Variants in NALCN observed in about 807,000 individuals in gnomAD.
NALCN encodes sodium leak channel NALCN.
A neutral mutation model predicts 225.3 loss-of-function variants in NALCN; 111 were observed. The ratio of observed to expected loss-of-function variants is 0.49; its 90% CI spans 0.42 to 0.58. NALCN has a LOEUF of 0.58. NALCN is among the 20% of genes least tolerant of loss of function. NALCN has a pLI of 0.00. For synonymous variants in NALCN, 764 were observed against 769.0 expected (o/e 0.99, Z 0.11); for missense variants, 1,378 against 2,202.4 (o/e 0.63, Z 7.49).
chr13:101,380,606 A>G (rs1267437943), intron 3 of NALCN, among the ~76,000 whole-genome samples: 3 of 152,240 alleles, frequency 2.0e-5, no homozygotes, highest in Non-Finnish European at 4.4e-5. Flanking sequence ...ATAGAAATAA[A>G]ATGTCAAGAT....
At chr13:101,135,662 G>A (rs558333327) in intron 17 of NALCN, among the ~76,000 whole-genome samples, 10 of 152,254 alleles carry the variant, frequency 6.6e-5, no homozygotes, top group Admixed American at 5.9e-4. Context: ...CCAAAGTGCT[G>A]GGATTATGGG....
Position 101,160,171 on chromosome 13 carries a change from G to A in NALCN, c.1840-15275C>T, listed in dbSNP as rs151129649. The stretch of plus-strand genomic sequence containing the variant: ...GGGTTTCACCATGTTAGCCAGGATG[G>A]TCTCGATCTCCTGACCTTGTGATCT... On this transcript the variant is annotated intron_variant, in intron 15 of 43. Transcript: ENST00000251127. Among the ~76,000 whole-genome samples, 1,003 of 152,216 alleles carry A rather than the reference G, an allele frequency of 6.6e-3. 4 individuals carry two copies. Among genetic ancestry groups the A allele is most frequent in the African/African-American group, 0.013 (548 of 41,544 alleles).
chr13:101,188,753 C>A (rs372815395), intron 14 of NALCN, among the ~76,000 whole-genome samples: 1 of 144,876 alleles, frequency 6.9e-6, no homozygotes, highest in East Asian at 2.0e-4. Context: ...AGCATGATCT[C>A]GGCTCACTGC....
intron 1 of NALCN, among the ~76,000 whole-genome samples, chr13:101,405,703 A>T (rs3916908): frequency 0.4 from 61,461 of 152,056 alleles, 12,765 homozygotes; most frequent in East Asian, 0.58. Flanking sequence ...GGGCTGCTCA[A>T]TGACTGCCTT....
intron 18 of NALCN, among the ~76,000 whole-genome samples, chr13:101,116,201 C>A (rs935146882): frequency 6.6e-6 from 1 of 151,592 alleles, no homozygotes; most frequent in African/African-American, 2.4e-5. Context: ...AAAATATTAC[C>A]CCTGGTTTCT....
At chr13:101,294,859 T>C (rs1025222623) in intron 7 of NALCN, among the ~76,000 whole-genome samples, 4 of 152,148 alleles carry the variant, frequency 2.6e-5, no homozygotes, top group African/African-American at 9.7e-5. Context: ...AAAACAGTCT[T>C]TCCATAACCT....
chr13:101,332,416 A>AAG (rs1555337268), intron 7 of NALCN, among the ~76,000 whole-genome samples: 2 of 149,226 alleles, frequency 1.3e-5, no homozygotes, highest in African/African-American at 5.0e-5. Flanking sequence ...AAAAAAAAAA[A>AAG]AAAAGGAAAG....
intron 11 of NALCN, among the ~76,000 whole-genome samples, chr13:101,247,822 G>A (rs1009125286): frequency 6.6e-5 from 10 of 151,922 alleles, no homozygotes; most frequent in African/African-American, 2.4e-5. Context: ...CCTCCTGATA[G>A]GCCCCAGTGT....
intron 17 of NALCN, among the ~76,000 whole-genome samples, chr13:101,136,022 C>T (rs746715114): frequency 1.3e-5 from 2 of 152,198 alleles, no homozygotes; most frequent in Admixed American, 6.5e-5. Flanking sequence ...ACAGCTGATA[C>T]ATAGTTCCAA....
intron 13 of NALCN, among the ~76,000 whole-genome samples, chr13:101,206,558 GC>G (rs1418495498): frequency 6.7e-6 from 1 of 150,020 alleles, no homozygotes; most frequent in Non-Finnish European, 1.5e-5. Flanking sequence ...TCATGTACTT[GC>G]CATTTAAAAA....
chr13:101,147,167 C>T (rs949514930), intron 15 of NALCN, among the ~76,000 whole-genome samples: 2 of 152,210 alleles, frequency 1.3e-5, no homozygotes, highest in African/African-American at 2.4e-5. Context: ...GGCCTGCCCA[C>T]TGCCTGCATC....
At chr13:101,360,279 A>G (rs939869091) in intron 6 of NALCN, among the ~76,000 whole-genome samples, 28 of 143,550 alleles carry the variant, frequency 2.0e-4, no homozygotes, top group African/African-American at 6.9e-4. Flanking sequence ...GACCCAGGCT[A>G]GAATGCAGTG....
chr13:101,157,559 A>G (rs530070078), intron 15 of NALCN, among the ~76,000 whole-genome samples: 3 of 152,286 alleles, frequency 2.0e-5, no homozygotes, highest in African/African-American at 7.2e-5. Context: ...ATTATAGGAA[A>G]GTTGGATTAT....
chr13:101,259,977 TCTA>T (rs1161831500), intron 10 of NALCN, among the ~76,000 whole-genome samples: 2 of 124,940 alleles, frequency 1.6e-5, no homozygotes, highest in East Asian at 5.0e-4. Context: ...ATCTATTCTT[TCTA>T]TTTTTTTTGT....
chr13:101,287,581 C>T (rs1202805801), intron 9 of NALCN, among the ~76,000 whole-genome samples: 8 of 152,296 alleles, frequency 5.3e-5, no homozygotes, highest in South Asian at 2.1e-4. Flanking sequence ...TTTGTAAAGC[C>T]ATTAGACTAG....
chr13:101,277,013 T>C lies in NALCN; in HGVS notation c.1134+6920A>G, dbSNP rs572287779. ...ATATACACACATATGCACTTATATA[T>C]GTATATATAAAAACGTGTGTATATA... On this transcript the variant is annotated intron_variant, in intron 10 of 43. Coordinates refer to ENST00000251127, the MANE Select transcript of NALCN (RefSeq NM_052867.4). Among the ~76,000 whole-genome samples, 146 of 152,148 alleles carry C rather than the reference T, an allele frequency of 9.6e-4. 1 individual carries two copies. The highest frequency in any genetic ancestry group is 3.4e-3 in the African/African-American group (141 of 41,530).
chr13:101,218,925 T>C (rs945811835), intron 13 of NALCN, among the ~76,000 whole-genome samples: 1 of 152,152 alleles, frequency 6.6e-6, no homozygotes, highest in African/African-American at 2.4e-5. Context: ...GAGAGCAGGC[T>C]AATATACTGT....
chr13:101,316,978 C>T (rs1322487347), intron 7 of NALCN, among the ~76,000 whole-genome samples: 1 of 151,960 alleles, frequency 6.6e-6, no homozygotes, highest in Non-Finnish European at 1.5e-5. Context: ...CTATAATTAC[C>T]TTGTATACTT....
intron 39 of NALCN, among the ~76,000 whole-genome samples, chr13:101,066,463 T>C (rs2032400204): frequency 6.6e-6 from 1 of 152,052 alleles, no homozygotes; most frequent in Non-Finnish European, 1.5e-5. Flanking sequence ...CTACCTTCCA[T>C]GCAACACAAA....
Sources: gnomAD v4.1 joint callset for allele counts (sites outside exome capture counted in the v4.1 genomes callset) on GRCh38, gnomAD v4.1.1 for gene constraint, MANE v1.5 for transcripts, NCBI Gene and HGNC (gene_info 2026-07-23, HGNC 2026-07-21) for gene names.